LMAN1: variants seen among roughly 807,000 people sequenced by gnomAD.
The protein encoded by LMAN1 is protein ERGIC-53.
Under a neutral mutation model 67.8 loss-of-function variants are expected in LMAN1, and 32 were observed. The ratio of observed to expected loss-of-function variants is 0.47; its 90% CI spans 0.36 to 0.63. The LOEUF (loss-of-function observed/expected upper bound fraction) is 0.63. LMAN1 is among the 30% of genes least tolerant of loss of function. The pLI is 0.00. For missense variants in LMAN1, 632 were observed against 628.2 expected (o/e 1.01, Z -0.06); for synonymous variants, 235 against 219.3 (o/e 1.07, Z -0.63).
chr18:59,335,121 C>T (rs1908112225), intron 10 of LMAN1, among the ~76,000 whole-genome samples: 1 of 152,070 alleles, frequency 6.6e-6, no homozygotes, highest in African/African-American at 2.4e-5. Context: ...CTACCCGTCA[C>T]ATAAGAAAGA....
Position 59,355,716 on chromosome 18 carries a change from T to G in LMAN1, c.215-58A>C, listed in dbSNP as rs1334633803. 4 of 1,571,324 alleles carry G rather than the reference T, an allele frequency of 2.5e-6. No homozygotes were observed. In the African/African-American group the frequency reaches 5.4e-5, roughly 21 times the overall value. The stretch of plus-strand genomic sequence containing the variant: ...GTTATAATTAGGTAAAACTCAATGA[T>G]CATTTCCAAACTGCTAAATATACCT... On this transcript the variant is annotated intron_variant, in intron 1 of 12. Coordinates refer to ENST00000251047, the MANE Select transcript of LMAN1 (RefSeq NM_005570.4).
chr18:59,332,993 CAT>C (rs2144208873), intron 11 of LMAN1, 96 bp downstream of exon 11: 1 of 958,640 alleles, frequency 1.0e-6, no homozygotes, highest in East Asian at 2.5e-5. Context: ...TAAAAATAAG[CAT>C]TAGCATTAAC....
intron 4 of LMAN1, among the ~76,000 whole-genome samples, chr18:59,353,770 A>T (rs1908597817): frequency 6.6e-6 from 1 of 152,202 alleles, no homozygotes; most frequent in South Asian, 2.1e-4. Flanking sequence ...TCATCCTTCA[A>T]CATCCATAGG....
chr18:59,336,501 A>C (rs1316871186), intron 10 of LMAN1, among the ~76,000 whole-genome samples: 1 of 152,226 alleles, frequency 6.6e-6, no homozygotes, highest in Admixed American at 6.5e-5. Flanking sequence ...GATCTAAATA[A>C]ATAACTAAAT....
In LMAN1 at chr18:59,347,558, G is replaced by A. The variant is rs1292586711; in HGVS notation, c.777C>T (p.Val259=). 3.1e-6 allele frequency: 5 copies of A among 1,606,174 alleles called. No homozygotes were observed. The East Asian group carries it at 8.9e-5, about 29-fold the overall frequency. The change falls in exon 7 of 13, where the codon GTC becomes GTT. Residue 259 remains valine (V), a synonymous_variant. Coordinates refer to ENST00000251047, the MANE Select transcript of LMAN1 (RefSeq NM_005570.4). ...ATGGLADDHD[V]LSFLTFQLTE... Reference sequence around the variant, plus strand: ...TCAACTGGAAAGTCAGAAAAGAAAGGACATCATGGTCATCTACAAATTAAA... The same window carrying A: ...TCAACTGGAAAGTCAGAAAAGAAAGAACATCATGGTCATCTACAAATTAAA...
chr18:59,342,199 T>G (rs1165027141), intron 8 of LMAN1, among the ~76,000 whole-genome samples: 1 of 151,938 alleles, frequency 6.6e-6, no homozygotes, highest in Non-Finnish European at 1.5e-5. Flanking sequence ...AAAAAATCTC[T>G]TAACAACAGC....
At chr18:59,331,316 T>C (rs981824679) in intron 12 of LMAN1, 102 bp downstream of exon 12, 15 of 1,251,598 alleles carry the variant, frequency 1.2e-5, no homozygotes, top group Non-Finnish European at 1.6e-5. Flanking sequence ...CTTAATTTTA[T>C]AGGTGGTGAA....
chr18:59,348,973 G>T, intron 6 of LMAN1, 140 bp downstream of exon 6: 1 of 991,288 alleles, frequency 1.0e-6, no homozygotes, highest in South Asian at 1.3e-5. Flanking sequence ...CAGACCAAAA[G>T]ACTGGCACAA....
At position 59,328,920 on chromosome 18, in the gene LMAN1, A is replaced by T. The variant is rs2070730677; in HGVS notation, c.*2173T>A. 1 of 152,232 alleles carries T rather than the reference A, an allele frequency of 6.6e-6. No homozygotes were observed. Among genetic ancestry groups the T allele is most frequent in the Non-Finnish European group, 1.5e-5 (1 of 68,042 alleles). 9.4% of individuals were successfully genotyped at this position (152,232 alleles called of 1,614,324 possible). A position where few individuals can be genotyped will look rare whatever the true frequency, so the allele number is the denominator to read the frequency against. On this transcript the variant is annotated 3_prime_UTR_variant, in exon 13 of 13. Transcript: ENST00000251047. Reference sequence around the variant, plus strand: ...TAAAAGTGGCATCATAGACACAATGACTTACATAAAAATTTTAAAATCAAT... The same window carrying T: ...TAAAAGTGGCATCATAGACACAATGTCTTACATAAAAATTTTAAAATCAAT...
intron 10 of LMAN1, among the ~76,000 whole-genome samples, chr18:59,337,232 A>G (rs1305824157): frequency 6.6e-6 from 1 of 150,922 alleles, no homozygotes; most frequent in African/African-American, 2.4e-5. Flanking sequence ...TGGAACTTCC[A>G]TCCAACCAAA....
At chr18:59,337,475 GTTC>G (rs1908185344) in intron 10 of LMAN1, among the ~76,000 whole-genome samples, 1 of 152,068 alleles carries the variant, frequency 6.6e-6, no homozygotes, top group Non-Finnish European at 1.5e-5. Context: ...TAATTTCCTG[GTTC>G]TGACAATTAA....
chr18:59,350,313 A>G (rs1908512196), intron 5 of LMAN1, among the ~76,000 whole-genome samples: 1 of 152,148 alleles, frequency 6.6e-6, no homozygotes, highest in Non-Finnish European at 1.5e-5. Flanking sequence ...TCCTCCACAG[A>G]GCCTTTTAAA....
intron 11 of LMAN1, among the ~76,000 whole-genome samples, chr18:59,332,241 A>G (rs1175644251): frequency 6.6e-6 from 1 of 152,130 alleles, no homozygotes; most frequent in Non-Finnish European, 1.5e-5. Context: ...TGCAACAAAG[A>G]CAATGTACGA....
intron 11 of LMAN1, 159 bp from the exon 12 acceptor site, chr18:59,331,698 T>G (rs2070748702): frequency 1.3e-6 from 1 of 752,706 alleles, no homozygotes; most frequent in African/African-American, 1.8e-5. Flanking sequence ...TACTGACAAC[T>G]GTTTTTGAAG....
At chr18:59,332,081 TA>T (rs1192461062) in intron 11 of LMAN1, among the ~76,000 whole-genome samples, 5 of 152,180 alleles carry the variant, frequency 3.3e-5, no homozygotes, top group African/African-American at 1.2e-4. Context: ...GTATTCCTTC[TA>T]TTATAAGGAG....
At chr18:59,355,193 T>C (rs1211986781) in intron 3 of LMAN1, 120 bp downstream of exon 3, 5 of 765,026 alleles carry the variant, frequency 6.5e-6, no homozygotes, top group African/African-American at 1.7e-5. Context: ...ATTTACCATA[T>C]AGCTTGGGGA....
intron 3 of LMAN1, 32 bp downstream of exon 3, chr18:59,355,281 A>C (rs750211561): frequency 1.4e-6 from 2 of 1,478,492 alleles, no homozygotes; most frequent in Non-Finnish European, 1.9e-6. Flanking sequence ...TAGATGTATT[A>C]AAGTGGATAA....
chr18:59,335,945 GTTA>G (rs1453177849), intron 10 of LMAN1, among the ~76,000 whole-genome samples: 1 of 152,204 alleles, frequency 6.6e-6, no homozygotes, highest in Non-Finnish European at 1.5e-5. Flanking sequence ...AAGTAAATAT[GTTA>G]TAGATACAGA....
rs2070724572 is a variant in LMAN1, at chr18:59,328,172, A to ATC, written c.*2919_*2920dup. ...TATTTGTGTTCTTTACAAAAATTGT[A>ATC]TCTCTGCAATGCAGTGAGGCAGGCA... On this transcript the variant is annotated 3_prime_UTR_variant, in exon 13 of 13. Transcript: ENST00000251047. The ATC allele has an allele frequency of 6.6e-6, 1 of 152,234 alleles. No individual in the cohort carries two copies. 9.4% of individuals were successfully genotyped at this position (152,234 alleles called of 1,614,324 possible).
Sources: allele counts gnomAD v4.1 joint callset (sites outside exome capture counted in the v4.1 genomes callset), GRCh38; gene constraint gnomAD v4.1.1; transcripts MANE v1.5; gene names NCBI Gene and HGNC (gene_info 2026-07-23, HGNC 2026-07-21).